The following SUMF1 variants were observed in gnomAD, a reference collection of about 807,000 sequenced individuals.
SUMF1 encodes the protein sulfatase modifying factor 1.
A neutral mutation model predicts 47.6 loss-of-function variants in SUMF1; 48 were observed. That is an observed-to-expected ratio of 1.01 (90% confidence interval 0.80 to 1.28). The LOEUF (loss-of-function observed/expected upper bound fraction) is 1.28. Among genes scored for constraint, SUMF1 ranks in the 50% most tolerant of loss-of-function variants. The pLI is 0.00. For missense variants in SUMF1, 571 were observed against 485.4 expected, an observed-to-expected ratio of 1.18 and a Z score of -1.66; for synonymous variants, 230 against 192.1, an observed-to-expected ratio of 1.20 and a Z score of -1.63.
intron 8 of SUMF1, among the ~76,000 whole-genome samples, chr3:4,219,093 C>A (rs912773153): frequency 6.6e-6 from 1 of 152,164 alleles, no homozygotes; most frequent in Non-Finnish European, 1.5e-5. Flanking sequence ...CACACTCCCC[C>A]ATACCACCCC....
chr3:4,313,990 C>A, intron 8 of SUMF1: 1 of 766,928 alleles, frequency 1.3e-6, no homozygotes, highest in East Asian at 2.7e-5. Context: ...AGTGACTGTT[C>A]TAGTTAATAG....
chr3:4,376,437 C>T lies in SUMF1; in HGVS notation c.955-48G>A, dbSNP rs763401018. On this transcript the variant is annotated intron_variant, in intron 7 of 8. Transcript: ENST00000272902. Reference sequence around the variant, plus strand: ...ATGTTAGACCAGAAGGCAAAGCTGCCCCTTACACAGTGGGAGAGAATCCAC... The same window carrying T: ...ATGTTAGACCAGAAGGCAAAGCTGCTCCTTACACAGTGGGAGAGAATCCAC... 1.1e-5 allele frequency: 17 copies of T among 1,595,036 alleles called. No homozygotes were observed. The African/African-American group carries it at 2.1e-4, about 20-fold the overall frequency.
chr3:4,207,146 G>A (rs1449446003), intron 8 of SUMF1, among the ~76,000 whole-genome samples: 2 of 151,810 alleles, frequency 1.3e-5, no homozygotes, highest in African/African-American at 2.4e-5. Context: ...TTTTTAGATT[G>A]TTGATTGCTA....
At chr3:4,067,684 C>A (rs1695409583) in intron 9 of SUMF1, among the ~76,000 whole-genome samples, 1 of 152,188 alleles carries the variant, frequency 6.6e-6, no homozygotes, top group South Asian at 2.1e-4. Context: ...ACACAGTACA[C>A]AAATATCCGT....
intron 3 of SUMF1, among the ~76,000 whole-genome samples, chr3:4,443,282 A>C (rs1400677000): frequency 6.6e-6 from 1 of 152,162 alleles, no homozygotes; most frequent in Non-Finnish European, 1.5e-5. Flanking sequence ...GTCTCAAAAA[A>C]TAAAAATTTA....
At chr3:4,317,033 G>T (rs776697150) in intron 8 of SUMF1, 2 of 1,549,304 alleles carry the variant, frequency 1.3e-6, no homozygotes, top group Non-Finnish European at 1.7e-6. Context: ...CTCATCCACC[G>T]TATTCACCTG....
At chr3:4,353,131 G>T (rs1699540421) in intron 8 of SUMF1, among the ~76,000 whole-genome samples, 1 of 152,224 alleles carries the variant, frequency 6.6e-6, no homozygotes, top group Non-Finnish European at 1.5e-5. Context: ...CAAGTATGGT[G>T]GCTTACACCT....
At chr3:4,201,843 A>G (rs893147757) in intron 8 of SUMF1, among the ~76,000 whole-genome samples, 1 of 152,072 alleles carries the variant, frequency 6.6e-6, no homozygotes, top group Admixed American at 6.6e-5. Flanking sequence ...ATGATATCCC[A>G]TTGTAATTTT....
chr3:4,061,798 G>GT (rs1695280297), intron 9 of SUMF1, among the ~76,000 whole-genome samples: 1 of 152,130 alleles, frequency 6.6e-6, no homozygotes, highest in Non-Finnish European at 1.5e-5. Context: ...TGGTACAAGA[G>GT]TAGGTTACAG....
intron 8 of SUMF1, among the ~76,000 whole-genome samples, chr3:4,353,743 G>C (rs1483120095): frequency 6.6e-6 from 1 of 152,086 alleles, no homozygotes. Context: ...GGGGTCTCCA[G>C]ACCACACTTG....
At chr3:4,186,342 C>T (rs182282275) in intron 8 of SUMF1, among the ~76,000 whole-genome samples, 72 of 152,136 alleles carry the variant, frequency 4.7e-4, no homozygotes, top group African/African-American at 1.7e-3. Flanking sequence ...CCACCCATGT[C>T]GGTTGCTATG....
chr3:4,340,661 CAG>C (rs1699253091), intron 8 of SUMF1, among the ~76,000 whole-genome samples: 2 of 152,100 alleles, frequency 1.3e-5, no homozygotes, highest in Non-Finnish European at 2.9e-5. Flanking sequence ...TGGAGAAAAA[CAG>C]AGAGATTCAA....
chr3:4,356,474 C>T (rs1448568511), downstream of SUMF1, among the ~76,000 whole-genome samples: 5 of 152,038 alleles, frequency 3.3e-5, no homozygotes, highest in Admixed American at 6.5e-5. Flanking sequence ...CATTTCTAGG[C>T]GAGATGAGGT....
chr3:4,357,356 T>G (rs1323675400), downstream of SUMF1, among the ~76,000 whole-genome samples: 2 of 150,668 alleles, frequency 1.3e-5, no homozygotes, highest in Non-Finnish European at 2.9e-5. Context: ...TTTTACCACA[T>G]GCAAAAATTC....
intron 8 of SUMF1, among the ~76,000 whole-genome samples, chr3:4,262,647 G>A (rs1697111487): frequency 6.6e-6 from 1 of 152,080 alleles, no homozygotes; most frequent in South Asian, 2.1e-4. Context: ...TTTCTCAGCA[G>A]CCCCAGCAGA....
At chr3:4,298,487 T>C (rs1415182363) in intron 8 of SUMF1, among the ~76,000 whole-genome samples, 1 of 152,124 alleles carries the variant, frequency 6.6e-6, no homozygotes, top group Admixed American at 6.5e-5. Context: ...TGCTGACAGC[T>C]TCCGAAAAAA....
intron 8 of SUMF1, among the ~76,000 whole-genome samples, chr3:4,133,877 G>A (rs1316622472): frequency 6.6e-6 from 1 of 152,088 alleles, no homozygotes; most frequent in Non-Finnish European, 1.5e-5. Flanking sequence ...TACTGCTAAA[G>A]TGGGGGCATT....
chr3:4,238,862 T>C lies in SUMF1; in HGVS notation c.1014+137468A>G, dbSNP rs148791649. Among the ~76,000 whole-genome samples the C allele has an allele frequency of 3.0e-3, 453 of 152,310 alleles. 3 individuals are homozygous for C. The highest frequency in any genetic ancestry group is 0.01 in the African/African-American group (433 of 41,580). Reference sequence around the variant, plus strand: ...GAAGTATTTGCCCATGCCTATGTCCTGAATGGTATTGCCCAGGTTTTCTTC... The same window carrying C: ...GAAGTATTTGCCCATGCCTATGTCCCGAATGGTATTGCCCAGGTTTTCTTC... On this transcript the variant is annotated intron_variant and NMD_transcript_variant, in intron 8 of 12. Transcript: ENST00000448413.
At chr3:4,226,736 G>C (rs6783689) in intron 8 of SUMF1, among the ~76,000 whole-genome samples, 61,874 of 151,786 alleles carry the variant, frequency 0.41, 13,021 homozygotes, top group Non-Finnish European at 0.45. Flanking sequence ...AATTCTAAAC[G>C]AGACAACCTG....
Sources: gnomAD v4.1 joint callset for allele counts (sites outside exome capture counted in the v4.1 genomes callset) on GRCh38, gnomAD v4.1.1 for gene constraint, MANE v1.5 for transcripts, NCBI Gene and HGNC (gene_info 2026-07-23, HGNC 2026-07-21) for gene names.